The following DPF3 variants were observed in gnomAD, a reference collection of about 807,000 sequenced individuals.
The protein encoded by DPF3 is zinc finger protein DPF3.
A neutral mutation model predicts 56.8 loss-of-function variants in DPF3; 18 were observed. That is an observed-to-expected ratio of 0.32 (90% CI 0.22 to 0.47). DPF3 has a LOEUF of 0.47. DPF3 is among the 20% of genes least tolerant of loss of function. The pLI, the probability that DPF3 is intolerant of heterozygous loss-of-function variation, is 1.00. For missense variants in DPF3, 403 were observed against 488.8 expected, an observed-to-expected ratio of 0.82 and a Z score of 1.65; for synonymous variants, 188 against 180.2, an observed-to-expected ratio of 1.04 and a Z score of -0.35.
intron 1 of DPF3, among the ~76,000 whole-genome samples, chr14:72,841,230 G>A (rs1884531677): frequency 1.3e-5 from 2 of 152,114 alleles, no homozygotes; most frequent in Admixed American, 1.3e-4. Context: ...TGAGACTCAA[G>A]GTCCCTATTT....
intron 7 of DPF3, among the ~76,000 whole-genome samples, chr14:72,683,483 G>A (rs1172306426): frequency 6.6e-6 from 1 of 151,880 alleles, no homozygotes; most frequent in East Asian, 1.9e-4. Context: ...TGGTGTGACA[G>A]TCATGTCACC....
chr14:72,653,065 T>C (rs749364312), intron 8 of DPF3, among the ~76,000 whole-genome samples: 6 of 152,194 alleles, frequency 3.9e-5, no homozygotes, highest in African/African-American at 7.2e-5. Context: ...AGCAAGACAA[T>C]TGTCACTGAA....
chr14:72,765,643 G>A (rs1350779010), intron 2 of DPF3, among the ~76,000 whole-genome samples: 1 of 152,194 alleles, frequency 6.6e-6, no homozygotes, highest in Non-Finnish European at 1.5e-5. Flanking sequence ...ACATGCCCTT[G>A]TCCCTAAAAA....
chr14:72,691,440 G>C (rs901741183), intron 7 of DPF3, among the ~76,000 whole-genome samples: 3 of 152,204 alleles, frequency 2.0e-5, no homozygotes, highest in Non-Finnish European at 4.4e-5. Context: ...TACAAGAAGA[G>C]GAAATGGGCT....
intron 3 of DPF3, among the ~76,000 whole-genome samples, chr14:72,746,619 T>C (rs1387059748): frequency 6.6e-6 from 1 of 152,200 alleles, no homozygotes; most frequent in African/African-American, 2.4e-5. Context: ...GGGGCTGGTG[T>C]GGAGGAATAA....
intron 6 of DPF3, among the ~76,000 whole-genome samples, chr14:72,710,827 C>G (rs1293323492): frequency 6.6e-6 from 1 of 152,182 alleles, no homozygotes; most frequent in Admixed American, 6.5e-5. Context: ...GGTAAACTTT[C>G]AAGGTAATTA....
chr14:72,706,765 C>G (rs570088775), intron 6 of DPF3, among the ~76,000 whole-genome samples: 1 of 152,144 alleles, frequency 6.6e-6, no homozygotes, highest in East Asian at 1.9e-4. Context: ...AACTGTACTT[C>G]TAGGAAACAA....
chr14:72,684,837 C>A (rs1887337612), intron 7 of DPF3, among the ~76,000 whole-genome samples: 1 of 152,114 alleles, frequency 6.6e-6, no homozygotes, highest in African/African-American at 2.4e-5. Flanking sequence ...GGAAAAGGGT[C>A]TTTGGAAGGC....
At chr14:72,651,100 C>A (rs998254775) in intron 8 of DPF3, among the ~76,000 whole-genome samples, 1 of 152,224 alleles carries the variant, frequency 6.6e-6, no homozygotes, top group African/African-American at 2.4e-5. Flanking sequence ...AAGTGACTTG[C>A]TCAGGGTACA....
intron 8 of DPF3, among the ~76,000 whole-genome samples, chr14:72,647,488 A>G (rs1349301502): frequency 1.3e-5 from 2 of 152,330 alleles, no homozygotes; most frequent in South Asian, 2.1e-4. Flanking sequence ...GACAGGCACC[A>G]TATACTCTCT....
At chr14:72,651,405 T>G (rs1403394338) in intron 8 of DPF3, among the ~76,000 whole-genome samples, 1 of 152,148 alleles carries the variant, frequency 6.6e-6, no homozygotes, top group Non-Finnish European at 1.5e-5. Context: ...CCCAGCTCTC[T>G]TTTTCCCAGC....
intron 8 of DPF3, among the ~76,000 whole-genome samples, chr14:72,637,186 A>T (rs1028153809): frequency 1.3e-5 from 2 of 152,222 alleles, no homozygotes; most frequent in African/African-American, 4.8e-5. Context: ...GGTCCTAGAA[A>T]TTCCCCAAGT....
intron 6 of DPF3, among the ~76,000 whole-genome samples, chr14:72,711,690 C>T (rs143231450): frequency 1.3e-5 from 2 of 152,162 alleles, no homozygotes; most frequent in African/African-American, 4.8e-5. Context: ...ACGGACAAAG[C>T]CCTAATGTGC....
chr14:72,866,743 C>T (rs1316688398), intron 1 of DPF3, among the ~76,000 whole-genome samples: 1 of 150,742 alleles, frequency 6.6e-6, no homozygotes, highest in African/African-American at 2.4e-5. Flanking sequence ...GTAATCCCAG[C>T]TACTCGGGAG....
intron 6 of DPF3, among the ~76,000 whole-genome samples, chr14:72,699,240 T>A (rs1283522742): frequency 6.6e-6 from 1 of 151,822 alleles, no homozygotes; most frequent in African/African-American, 2.4e-5. Flanking sequence ...TTAGAAAGGG[T>A]TGAGTGTGGT....
At chr14:72,761,396 T>C (rs1053168908) in intron 2 of DPF3, among the ~76,000 whole-genome samples, 25 of 152,148 alleles carry the variant, frequency 1.6e-4, no homozygotes, top group African/African-American at 5.5e-4. Flanking sequence ...GGAATTAACA[T>C]GGAAATAAAT....
At chr14:72,792,933 A>T (rs946485365) in intron 1 of DPF3, among the ~76,000 whole-genome samples, 6 of 36,378 alleles carry the variant, frequency 1.6e-4, no homozygotes, top group Non-Finnish European at 6.2e-4. Flanking sequence ...TAATAATTTA[A>T]AAAAAAAAAA....
chr14:72,891,602 G>T (rs1281025889), intron 1 of DPF3, among the ~76,000 whole-genome samples: 1 of 152,048 alleles, frequency 6.6e-6, no homozygotes, highest in Non-Finnish European at 1.5e-5. Flanking sequence ...TATTAAACAA[G>T]TTATTTTTAA....
chr14:72,732,635 G>T (rs1429423078), intron 3 of DPF3, among the ~76,000 whole-genome samples: 1 of 152,160 alleles, frequency 6.6e-6, no homozygotes, highest in Admixed American at 6.5e-5. Flanking sequence ...TTTTCTGAAG[G>T]TATCAGGAGT....
Sources: allele counts gnomAD v4.1 joint callset (sites outside exome capture counted in the v4.1 genomes callset), GRCh38; gene constraint gnomAD v4.1.1; transcripts MANE v1.5; gene names NCBI Gene and HGNC (gene_info 2026-07-23, HGNC 2026-07-21).